The following FAM219B variants were observed in gnomAD, a reference collection of about 807,000 sequenced individuals.
The protein encoded by FAM219B is family with sequence similarity 219 member B.
In FAM219B, 18 loss-of-function variants were observed where a neutral mutation model predicts 19.9. The observed-to-expected ratio is 0.91, with a 90% confidence interval of 0.63 to 1.34. FAM219B has a LOEUF of 1.34. FAM219B is among the 40% of genes most tolerant of loss of function. The pLI is 0.00. For missense variants in FAM219B, 283 were observed against 270.5 expected (o/e 1.05, Z -0.32); for synonymous variants, 123 against 117.5 (o/e 1.05, Z -0.30).
rs1280014887 is a variant in FAM219B, at chr15:74,905,456, C to T, written c.303-225G>A. On this transcript the variant is annotated intron_variant, in intron 2 of 4. Transcript: ENST00000357635. The stretch of plus-strand genomic sequence containing the variant: ...TTCTTTTTTTGGAGACAGAGTCTGG[C>T]CCTGTCACCCAGGCTGCAGTGCAGT... 7 of 434,020 alleles carry T rather than the reference C, an allele frequency of 1.6e-5. No homozygotes were observed. In the East Asian group the frequency reaches 3.3e-4, roughly 21 times the overall value. 26.9% of individuals were successfully genotyped at this position (434,020 alleles called of 1,614,324 possible). A position where few individuals can be genotyped will look rare whatever the true frequency, so the allele number is the denominator to read the frequency against.
intron 3 of FAM219B, 82 bp from the exon 4 acceptor site, chr15:74,904,794 G>A (rs1428654316): frequency 4.3e-5 from 68 of 1,570,322 alleles, no homozygotes; most frequent in Non-Finnish European, 5.6e-5. Context: ...GCATGCAAGG[G>A]CATCTGGAAG....
intron 3 of FAM219B, 29 bp from the exon 4 acceptor site, chr15:74,904,741 G>T (rs573495831): frequency 1.2e-6 from 2 of 1,613,914 alleles, no homozygotes; most frequent in Non-Finnish European, 1.7e-6. Context: ...AGTCAGTTCC[G>T]GGAGGTACCT....
intron 2 of FAM219B, 120 bp from the exon 3 acceptor site, chr15:74,905,351 C>G: frequency 1.1e-6 from 1 of 926,084 alleles, no homozygotes; most frequent in Non-Finnish European, 1.7e-6. Flanking sequence ...CTTGCCTTCT[C>G]CCTGGTCACA....
At chr15:74,903,478 G>A (rs1240371354) in intron 4 of FAM219B, among the ~76,000 whole-genome samples, 1 of 151,598 alleles carries the variant, frequency 6.6e-6, no homozygotes, top group Non-Finnish European at 1.5e-5. Flanking sequence ...GCGGGCGCCT[G>A]TAGTCCCAGC....
At chr15:74,903,750 A>C (rs1184275532) in intron 4 of FAM219B, among the ~76,000 whole-genome samples, 1 of 152,164 alleles carries the variant, frequency 6.6e-6, no homozygotes, top group Non-Finnish European at 1.5e-5. Context: ...AGAAACTCAG[A>C]GATTAGCCAA....
chr15:74,905,344 G>A, intron 2 of FAM219B, 113 bp from the exon 3 acceptor site: 1 of 1,020,094 alleles, frequency 9.8e-7, no homozygotes, highest in East Asian at 2.6e-5. Context: ...CTACTGACTT[G>A]CCTTCTCCCT....
chr15:74,899,414 A>G (rs1567271826), downstream of FAM219B: 1 of 152,228 alleles, frequency 6.6e-6, no homozygotes, highest in African/African-American at 2.4e-5. Flanking sequence ...TTCAGCTAAA[A>G]AACAATAAAG....
chr15:74,905,134 T>C lies in FAM219B; in HGVS notation c.380+20A>G, dbSNP rs898351226. 1.5e-5 allele frequency: 24 copies of C among 1,613,748 alleles called. No individual in the cohort carries two copies. The Admixed American group carries it at 2.3e-4, about 16-fold the overall frequency. On this transcript the variant is annotated intron_variant, in intron 3 of 4. Transcript: ENST00000357635. ...AGCCAAGTTGCTTCCCAAGGGGGTA[T>C]TTCCAAGGGGAGCACTCACCTGTCA...
In FAM219B at chr15:74,900,973, G is replaced by T. The variant is rs2064930485; in HGVS notation, c.*1646C>A. 6.6e-6 allele frequency: 1 copy of T among 152,170 alleles called. No individual in the cohort carries two copies. Among genetic ancestry groups the T allele is most frequent in the African/African-American group, 2.4e-5 (1 of 41,436 alleles). 9.4% of individuals were successfully genotyped at this position (152,170 alleles called of 1,614,324 possible). ...TGTCAGACAAATAACAAATAAGGCC[G>T]TATCTTTTTATTAGACTTGCTCATC... is the stretch of plus-strand genomic sequence containing the variant. On this transcript the variant is annotated 3_prime_UTR_variant, in exon 5 of 5. Coordinates refer to ENST00000357635, the MANE Select transcript of FAM219B (RefSeq NM_020447.5).
In FAM219B at chr15:74,902,532, A is replaced by G. The variant is rs2065003899; in HGVS notation, c.*87T>C. ...TCACTTTCTAGGGGTCAGTGACTTC[A>G]GTGCTCACTGCACTGTGTGAGCTAT... On this transcript the variant is annotated 3_prime_UTR_variant, in exon 5 of 5. Coordinates refer to ENST00000357635, the MANE Select transcript of FAM219B (RefSeq NM_020447.5). The G allele has an allele frequency of 4.3e-6, 6 of 1,380,824 alleles. No individual in the cohort carries two copies. The highest frequency in any genetic ancestry group is 4.8e-6 in the Non-Finnish European group (5 of 1,036,744). 85.5% of individuals were successfully genotyped at this position (1,380,824 alleles called of 1,614,324 possible). A position where few individuals can be genotyped will look rare whatever the true frequency, so the allele number is the denominator to read the frequency against.
chr15:74,906,702 T>TGGCCCCGCAGCTCCCGGCGCGC lies in FAM219B; in HGVS notation c.77_98dup (p.Pro34ArgfsTer14). 1 of 1,411,554 alleles carries TGGCCCCGCAGCTCCCGGCGCGC rather than the reference T, an allele frequency of 7.1e-7. No individual in the cohort carries two copies. The highest frequency in any genetic ancestry group is 9.2e-7 in the Non-Finnish European group (1 of 1,081,620). The allele number at this position is 1,411,554 out of a possible 1,614,324, so 87.4% of individuals were successfully genotyped here. On this transcript the variant is annotated frameshift_variant, in exon 1 of 5. Transcript: ENST00000357635. LOFTEE classifies it high-confidence loss of function. ...CTCTATTACCGATCTGCCCGGAGGGTGGCCCCGCAGCTCCCGGCGCGCGGT... is the reference window on the plus strand; with the variant it reads ...CTCTATTACCGATCTGCCCGGAGGGTGGCCCCGCAGCTCCCGGCGCGCGGCCCCGCAGCTCCCGGCGCGCGGT...
chr15:74,904,864 C>A, intron 3 of FAM219B, 152 bp from the exon 4 acceptor site: 1 of 1,415,608 alleles, frequency 7.1e-7, no homozygotes, highest in Non-Finnish European at 9.8e-7. Flanking sequence ...TTGAATAATA[C>A]TGGTTCCCTC....
Position 74,906,570 on chromosome 15 carries a change from C to T in FAM219B, c.214+17G>A, listed in dbSNP as rs1435040898. 2 of 1,496,314 alleles carry T rather than the reference C, an allele frequency of 1.3e-6. No individual in the cohort carries two copies. The highest frequency in any genetic ancestry group is 2.4e-5 in the Admixed American group (1 of 41,436). The allele number at this position is 1,496,314 out of a possible 1,614,324, so 92.7% of individuals were successfully genotyped here. On this transcript the variant is annotated intron_variant, in intron 1 of 4. Transcript: ENST00000357635. The stretch of plus-strand genomic sequence containing the variant: ...CGCCCAGGGAGAAACCTCCCCCGAC[C>T]ATCGGGCCACACTCACGCAGCTTGG...
intron 4 of FAM219B, 45 bp downstream of exon 4, chr15:74,904,619 G>A: frequency 6.2e-7 from 1 of 1,609,776 alleles, no homozygotes; most frequent in Non-Finnish European, 8.5e-7. Flanking sequence ...TGGTGGTAAT[G>A]CTGCCTGCAG....
chr15:74,904,260 T>C (rs955274986), intron 4 of FAM219B, among the ~76,000 whole-genome samples: 6 of 151,998 alleles, frequency 3.9e-5, no homozygotes, highest in African/African-American at 1.5e-4. Context: ...ATCAAAAGGG[T>C]TCCTTTTGTA....
Position 74,901,792 on chromosome 15 carries a change from C to T in FAM219B, c.*827G>A, listed in dbSNP as rs1398314297. 3.7e-6 allele frequency: 1 copy of T among 268,314 alleles called. No individual in the cohort carries two copies. The highest frequency in any genetic ancestry group is 6.9e-6 in the Non-Finnish European group (1 of 144,782). The allele number at this position is 268,314 out of a possible 1,614,324, so 16.6% of individuals were successfully genotyped here. ...TGCTGGTAATAATAAAAACTGCAGG[C>T]TTCTGGGGCCAGCCCCAGTACCTTC... On this transcript the variant is annotated 3_prime_UTR_variant, in exon 5 of 5. Transcript: ENST00000357635.
At chr15:74,898,315 T>C (rs1167767567), downstream of FAM219B, 1 of 181,750 alleles carries the variant, frequency 5.5e-6, no homozygotes, top group Admixed American at 5.3e-5. Context: ...CCCCAGTTTT[T>C]GCTTTATTCC....
Position 74,902,638 on chromosome 15 carries a change from G to T in FAM219B, c.578C>A (p.Ser193Tyr), listed in dbSNP as rs757977069. The part of the protein sequence containing the change: ...SCCWCCLGDS[S>Y]SCTLQ The stretch of plus-strand genomic sequence containing the variant: ...TAATGTCTACTGGAGGGTACAGGAA[G>T]AAGAGTCCCCAAGACAGCACCAGCA... Residue 193 changes from serine to tyrosine, a missense_variant, in exon 5 of 5, where the codon TCT becomes TAT. Ser to Tyr is a moderately radical substitution (Grantham distance 144). Coordinates refer to ENST00000357635, the MANE Select transcript of FAM219B (RefSeq NM_020447.5). 1 of 1,611,386 alleles carries T rather than the reference G, an allele frequency of 6.2e-7. No individual in the cohort carries two copies. Among genetic ancestry groups the T allele is most frequent in the South Asian group, 1.1e-5 (1 of 90,242 alleles).
intron 3 of FAM219B, 191 bp downstream of exon 3, chr15:74,904,954 GCTCCGAATT>G: frequency 5.9e-6 from 9 of 1,533,840 alleles, no homozygotes; most frequent in Non-Finnish European, 7.9e-6. Flanking sequence ...GGACATTGGT[GCTCCGAATT>G]CTAGAGCAGC....
Sources: allele counts gnomAD v4.1 joint callset (sites outside exome capture counted in the v4.1 genomes callset), GRCh38; gene constraint gnomAD v4.1.1; transcripts MANE v1.5; gene names NCBI Gene and HGNC (gene_info 2026-07-23, HGNC 2026-07-21).